The following CHSY3 variants were observed in gnomAD, a reference collection of about 807,000 sequenced individuals.
CHSY3 encodes the protein N-acetylgalactosaminyl-proteoglycan 3-beta-glucuronosyltransferase 3.
A neutral mutation model predicts 67.2 loss-of-function variants in CHSY3; 35 were observed. That is an observed-to-expected ratio of 0.52 (90% CI 0.40 to 0.69). CHSY3 has a LOEUF of 0.69. Among genes scored for constraint, CHSY3 ranks in the 30% least tolerant of loss-of-function variants. CHSY3 has a pLI of 0.00. For missense variants in CHSY3, 1,069 were observed against 1,138.5 expected, an observed-to-expected ratio of 0.94 and a Z score of 0.88; for synonymous variants, 474 against 434.7, an observed-to-expected ratio of 1.09 and a Z score of -1.12.
chr5:130,108,146 A>G (rs1047787460), intron 2 of CHSY3, among the ~76,000 whole-genome samples: 4 of 151,558 alleles, frequency 2.6e-5, no homozygotes, highest in East Asian at 3.9e-4. Context: ...GCCTAACTCT[A>G]TAATTTATAC....
chr5:130,121,801 G>T (rs1768035487), intron 2 of CHSY3, among the ~76,000 whole-genome samples: 1 of 152,104 alleles, frequency 6.6e-6, no homozygotes, highest in Non-Finnish European at 1.5e-5. Context: ...TCTCCAAATT[G>T]CTTATCTTTT....
At chr5:129,946,634 C>T (rs1042272397) in intron 2 of CHSY3, among the ~76,000 whole-genome samples, 4 of 152,178 alleles carry the variant, frequency 2.6e-5, no homozygotes, top group East Asian at 1.9e-4. Context: ...CTGATAACCA[C>T]GTTTCTGCCA....
At chr5:129,988,889 C>T (rs1201037746) in intron 2 of CHSY3, among the ~76,000 whole-genome samples, 2 of 152,014 alleles carry the variant, frequency 1.3e-5, no homozygotes, top group African/African-American at 4.8e-5. Context: ...ACTTCTGTAC[C>T]AACATCATCA....
intron 2 of CHSY3, among the ~76,000 whole-genome samples, chr5:130,009,379 C>T (rs915367386): frequency 1.3e-5 from 2 of 151,708 alleles, no homozygotes; most frequent in South Asian, 2.1e-4. Flanking sequence ...GCTTCCTAAA[C>T]GAAGGAAAAA....
intron 2 of CHSY3, among the ~76,000 whole-genome samples, chr5:129,976,973 CTTTG>C (rs1762830412): frequency 6.7e-6 from 1 of 150,096 alleles, no homozygotes; most frequent in African/African-American, 2.4e-5. Flanking sequence ...TTAAGTTTTG[CTTTG>C]TTTATTTCAA....
chr5:130,040,048 G>A (rs928241977), intron 2 of CHSY3, among the ~76,000 whole-genome samples: 2 of 152,064 alleles, frequency 1.3e-5, no homozygotes, highest in African/African-American at 4.8e-5. Context: ...AACGTGAAGG[G>A]TGTGACTGTA....
chr5:130,057,723 A>G (rs1300726968), intron 2 of CHSY3, among the ~76,000 whole-genome samples: 1 of 152,198 alleles, frequency 6.6e-6, no homozygotes, highest in African/African-American at 2.4e-5. Context: ...TACCTTCTCC[A>G]GTAGTAACTC....
intron 2 of CHSY3, among the ~76,000 whole-genome samples, chr5:129,995,947 C>T (rs890626465): frequency 1.2e-4 from 19 of 152,008 alleles, no homozygotes; most frequent in African/African-American, 4.3e-4. Flanking sequence ...CTCTCTTCCT[C>T]TCCCTCTCTC....
chr5:129,977,350 A>G (rs1762843221), intron 2 of CHSY3, among the ~76,000 whole-genome samples: 2 of 152,326 alleles, frequency 1.3e-5, no homozygotes, highest in South Asian at 4.1e-4. Flanking sequence ...CTTTAAGAAC[A>G]ATGCTTTATT....
intron 2 of CHSY3, among the ~76,000 whole-genome samples, chr5:129,945,750 A>G (rs184796395): frequency 6.6e-5 from 10 of 152,300 alleles, no homozygotes; most frequent in Non-Finnish European, 1.3e-4. Context: ...TGCAGATGGT[A>G]GGGTGGTAGG....
intron 2 of CHSY3, among the ~76,000 whole-genome samples, chr5:129,975,701 A>G (rs1353985221): frequency 6.6e-6 from 1 of 152,154 alleles, no homozygotes; most frequent in African/African-American, 2.4e-5. Context: ...GATAGTCAAG[A>G]ACCAAGGTAA....
intron 2 of CHSY3, among the ~76,000 whole-genome samples, chr5:130,096,843 G>A (rs1284680572): frequency 6.6e-6 from 1 of 152,052 alleles, no homozygotes; most frequent in East Asian, 1.9e-4. Context: ...AGGAGAATCT[G>A]GAAGGAGTAG....
At chr5:130,119,048 G>A (rs1456638976) in intron 2 of CHSY3, among the ~76,000 whole-genome samples, 3 of 152,090 alleles carry the variant, frequency 2.0e-5, no homozygotes, top group Admixed American at 2.0e-4. Context: ...AGAGGCAAAG[G>A]ATATAAACAA....
chr5:129,914,150 G>A lies in CHSY3; in HGVS notation c.1086+5790G>A, dbSNP rs1055103618. ...TTTGACACAGAGTTTCACTCTTGTC[G>A]TCCAGGCTGGAGTGCAATGCTGCAA... On this transcript the variant is annotated intron_variant, in intron 2 of 2. Coordinates refer to ENST00000305031, the MANE Select transcript of CHSY3 (RefSeq NM_175856.5). Among the ~76,000 whole-genome samples, 10 of 151,646 alleles carry A rather than the reference G, an allele frequency of 6.6e-5. No individual in the cohort carries two copies. The South Asian group carries it at 1.0e-3, about 16-fold the overall frequency.
intron 2 of CHSY3, among the ~76,000 whole-genome samples, chr5:129,980,380 A>T (rs998254415): frequency 1.3e-5 from 2 of 152,162 alleles, no homozygotes; most frequent in Non-Finnish European, 2.9e-5. Flanking sequence ...CATTCATTTC[A>T]CATTTCAGAT....
chr5:129,999,426 C>A (rs538636868), intron 2 of CHSY3, among the ~76,000 whole-genome samples: 2 of 152,174 alleles, frequency 1.3e-5, no homozygotes, highest in East Asian at 3.9e-4. Flanking sequence ...GTGTGTATTA[C>A]AGTAAGAACT....
intron 1 of CHSY3, among the ~76,000 whole-genome samples, chr5:129,907,395 G>A (rs2149573957): frequency 6.6e-6 from 1 of 152,210 alleles, no homozygotes; most frequent in South Asian, 2.1e-4. Flanking sequence ...TATGAAGAAG[G>A]TGACTCTCTA....
At chr5:130,076,614 T>C (rs1766262984) in intron 2 of CHSY3, among the ~76,000 whole-genome samples, 1 of 151,862 alleles carries the variant, frequency 6.6e-6, no homozygotes, top group Non-Finnish European at 1.5e-5. Flanking sequence ...TCATATGTTC[T>C]CTAAAGAAAA....
intron 2 of CHSY3, among the ~76,000 whole-genome samples, chr5:130,007,610 G>C (rs912775164): frequency 1.3e-5 from 2 of 152,162 alleles, no homozygotes; most frequent in African/African-American, 2.4e-5. Flanking sequence ...CATGACCCCT[G>C]TGGACATTTA....
Sources: gnomAD v4.1 joint callset for allele counts (sites outside exome capture counted in the v4.1 genomes callset) on GRCh38, gnomAD v4.1.1 for gene constraint, MANE v1.5 for transcripts, NCBI Gene and HGNC (gene_info 2026-07-23, HGNC 2026-07-21) for gene names.